CFAP47: variants seen among roughly 807,000 people sequenced by gnomAD.
CFAP47 encodes cilia and flagella associated protein 47, also known as cilia- and flagella-associated protein 47.
A neutral mutation model predicts 148.1 loss-of-function variants in CFAP47; 29 were observed. The observed-to-expected ratio is 0.20, with a 90% CI of 0.15 to 0.27. CFAP47 has a LOEUF of 0.27. Among genes scored for constraint, CFAP47 ranks in the 10% least tolerant of loss-of-function variants. CFAP47 has a pLI of 1.00. For missense variants in CFAP47, 1,872 were observed against 1,697.5 expected (o/e 1.10, Z -1.81); for synonymous variants, 664 against 577.3 (o/e 1.15, Z -2.15).
At chrX:36,240,045 A>G (rs1299995841) in intron 48 of CFAP47, among the ~76,000 whole-genome samples, 2 of 112,188 alleles carry the variant, frequency 1.8e-5, no homozygotes, top group Non-Finnish European at 3.8e-5. Context: ...TATAATGAAT[A>G]CAGACTTTAC....
intron 39 of CFAP47, among the ~76,000 whole-genome samples, chrX:36,163,964 C>T (rs1490766574): frequency 2.7e-5 from 3 of 111,923 alleles, no homozygotes; most frequent in African/African-American, 3.2e-5. Context: ...CCAGTTATTT[C>T]GGAGTATGTT....
At chrX:36,267,094 A>T (rs142027390) in intron 49 of CFAP47, among the ~76,000 whole-genome samples, 1 of 112,055 alleles carries the variant, frequency 8.9e-6, no homozygotes, top group African/African-American at 3.2e-5. Context: ...CTTATTGACC[A>T]TAGTACCACA....
At chrX:36,099,724 A>G (rs368458793) in intron 31 of CFAP47, 27 bp from the exon 32 acceptor site, 4 of 694,121 alleles carry the variant, frequency 5.8e-6, no homozygotes, top group African/African-American at 4.4e-5. Context: ...AATTTTAATT[A>G]ATGTTGTACT....
intron 2 of CFAP47, among the ~76,000 whole-genome samples, chrX:35,937,296 G>A (rs756423852): frequency 6.8e-4 from 73 of 107,666 alleles, no homozygotes; most frequent in African/African-American, 2.2e-3. Flanking sequence ...GCATTGTCTG[G>A]CTCACCTGGT....
At chrX:36,302,619 A>G (rs2146958677) in intron 53 of CFAP47, among the ~76,000 whole-genome samples, 1 of 112,324 alleles carries the variant, frequency 8.9e-6, no homozygotes, top group East Asian at 2.8e-4. Flanking sequence ...TATACTTTAC[A>G]GAAAGAATGA....
At chrX:36,190,779 G>A (rs1311137160) in intron 42 of CFAP47, among the ~76,000 whole-genome samples, 4 of 111,052 alleles carry the variant, frequency 3.6e-5, no homozygotes, top group Non-Finnish European at 3.8e-5. Flanking sequence ...GTTAGAGAGG[G>A]GGAGAGACAC....
chrX:35,957,073 G>A (rs1193123301), intron 8 of CFAP47, among the ~76,000 whole-genome samples: 1 of 109,516 alleles, frequency 9.1e-6, no homozygotes, highest in African/African-American at 3.3e-5. Context: ...GCCGGGCGTG[G>A]TGGCACATGC....
chrX:36,215,213 C>T, intron 45 of CFAP47, among the ~76,000 whole-genome samples: 1 of 111,546 alleles, frequency 9.0e-6, no homozygotes, highest in Middle Eastern at 4.6e-3. Context: ...ACTGTATATG[C>T]ATCAGATTGC....
intron 46 of CFAP47, among the ~76,000 whole-genome samples, chrX:36,233,168 C>A (rs1940393997): frequency 9.0e-6 from 1 of 111,024 alleles, no homozygotes; most frequent in Non-Finnish European, 1.9e-5. Context: ...CCTGGATATC[C>A]TTGTTAATCT....
chrX:36,229,157 T>C (rs1555991957), intron 46 of CFAP47, among the ~76,000 whole-genome samples: 1 of 111,927 alleles, frequency 8.9e-6, no homozygotes, highest in African/African-American at 3.2e-5. Context: ...TTGGTTAAGA[T>C]GGGTTCATAG....
intron 57 of CFAP47, among the ~76,000 whole-genome samples, chrX:36,329,799 G>T (rs1941549277): frequency 9.0e-6 from 1 of 111,060 alleles, no homozygotes; most frequent in African/African-American, 3.3e-5. Flanking sequence ...AGCAGAACAA[G>T]GAGGATATCA....
At chrX:36,002,072 AC>A (rs1200744869) in intron 21 of CFAP47, among the ~76,000 whole-genome samples, 1 of 111,870 alleles carries the variant, frequency 8.9e-6, no homozygotes, top group Non-Finnish European at 1.9e-5. Flanking sequence ...ATTGTCAAAG[AC>A]ATATTGTGAA....
At chrX:36,274,266 T>C (rs1437064351) in intron 49 of CFAP47, among the ~76,000 whole-genome samples, 3 of 111,879 alleles carry the variant, frequency 2.7e-5, no homozygotes, top group African/African-American at 9.7e-5. Flanking sequence ...ATGGAAAATA[T>C]GTACTTTTAA....
intron 51 of CFAP47, among the ~76,000 whole-genome samples, chrX:36,293,285 GTTTA>G (rs1556005871): frequency 8.9e-6 from 1 of 112,431 alleles, no homozygotes; most frequent in Non-Finnish European, 1.9e-5. Flanking sequence ...TTGCTGTCCT[GTTTA>G]TTTAAGACTC....
At chrX:36,006,054 T>C (rs924939418) in intron 21 of CFAP47, among the ~76,000 whole-genome samples, 1 of 111,169 alleles carries the variant, frequency 9.0e-6, no homozygotes, top group Non-Finnish European at 1.9e-5. Context: ...TTTCATATAA[T>C]TGAAATGTAT....
chrX:36,200,949 T>TC, intron 43 of CFAP47, among the ~76,000 whole-genome samples: 1 of 110,772 alleles, frequency 9.0e-6, no homozygotes, highest in Non-Finnish European at 1.9e-5. Flanking sequence ...CTTTTTTTTT[T>TC]CCACATTTAT....
intron 51 of CFAP47, among the ~76,000 whole-genome samples, chrX:36,291,638 A>T (rs1256048134): frequency 2.7e-5 from 3 of 110,291 alleles, no homozygotes; most frequent in Non-Finnish European, 3.8e-5. Context: ...CAAAAAAAAA[A>T]AAACATGGCA....
rs984345273 is a variant in CFAP47, at chrX:35,991,952, G to A, written c.2967+9G>A. 1.0e-5 allele frequency: 3 copies of A among 292,148 alleles called. No homozygotes were observed. Among genetic ancestry groups the A allele is most frequent in the Non-Finnish European group, 1.8e-5 (3 of 167,540 alleles). 24.1% of individuals were successfully genotyped at this position (292,148 alleles called of 1,213,427 possible). ...ACCATGCTTATTTCAAGGTAACATA[G>A]GATGTTGGTAATTTCTTATTTGGAT... On this transcript the variant is annotated intron_variant, in intron 17 of 63. Coordinates refer to ENST00000378653, the MANE Select transcript of CFAP47 (RefSeq NM_001304548.2).
rs1169605524 is a variant in CFAP47 at position 35,924,221 on chromosome X, ATG to A, written c.250-1792_250-1791del. Among the ~76,000 whole-genome samples, 5 of 102,292 alleles carry A rather than the reference ATG, an allele frequency of 4.9e-5. 1 individual carries two copies. The highest frequency in any genetic ancestry group is 2.0e-4 in the African/African-American group (5 of 25,569). 88.8% of individuals were successfully genotyped at this position (102,292 alleles called of 115,157 possible). A position where few individuals can be genotyped will look rare whatever the true frequency, so the allele number is the denominator to read the frequency against. On this transcript the variant is annotated intron_variant, in intron 1 of 63. Transcript: ENST00000378653. Reference sequence around the variant, plus strand: ...TATATGGACATGTATGTGTGCATGTATGTGTATATATGGACATGTATGTGTGC... The same window carrying A: ...TATATGGACATGTATGTGTGCATGTATGTATATATGGACATGTATGTGTGC...
Sources: allele counts gnomAD v4.1 joint callset (sites outside exome capture counted in the v4.1 genomes callset), GRCh38; gene constraint gnomAD v4.1.1; transcripts MANE v1.5; gene names NCBI Gene and HGNC (gene_info 2026-07-23, HGNC 2026-07-21).